CDH18: variants seen among roughly 807,000 people sequenced by gnomAD.
CDH18 encodes the protein cadherin-18.
A neutral mutation model predicts 67.9 loss-of-function variants in CDH18; 31 were observed. The observed-to-expected ratio is 0.46, with a 90% confidence interval of 0.34 to 0.62. The LOEUF is 0.62. Among genes scored for constraint, CDH18 ranks in the 20% least tolerant of loss-of-function variants. CDH18 has a pLI of 0.01. For synonymous variants in CDH18, 362 were observed against 347.2 expected (o/e 1.04, Z -0.48); for missense variants, 890 against 975.5 (o/e 0.91, Z 1.17).
At chr5:19,681,049 T>C (rs759307224) in intron 5 of CDH18, among the ~76,000 whole-genome samples, 18 of 151,978 alleles carry the variant, frequency 1.2e-4, no homozygotes, top group Non-Finnish European at 2.2e-4. Context: ...AAAGAAAATA[T>C]GGTACATATA....
chr5:20,405,803 A>C (rs1207864425), intron 1 of CDH18, among the ~76,000 whole-genome samples: 2 of 152,228 alleles, frequency 1.3e-5, no homozygotes, highest in African/African-American at 4.8e-5. Flanking sequence ...AAAAGAAGAC[A>C]TTTATGCAGC....
At chr5:19,495,331 A>C (rs931767971) in intron 11 of CDH18, among the ~76,000 whole-genome samples, 1 of 152,180 alleles carries the variant, frequency 6.6e-6, no homozygotes, top group African/African-American at 2.4e-5. Context: ...CAATTACTTA[A>C]TGAAACTTTT....
At chr5:19,751,707 CTG>C (rs1770867154) in intron 3 of CDH18, among the ~76,000 whole-genome samples, 1 of 152,140 alleles carries the variant, frequency 6.6e-6, no homozygotes, top group South Asian at 2.1e-4. Context: ...ATATTAGTCT[CTG>C]TGAAAAAGGG....
In CDH18 at chr5:19,721,170, T is replaced by A. The variant is rs527429510; in HGVS notation, c.643+177A>T. 2.6e-5 allele frequency among the ~76,000 whole-genome samples: 4 copies of A among 152,350 alleles called. No individual in the cohort carries two copies. In the East Asian group the frequency reaches 7.7e-4, roughly 29 times the overall value. ...AACATAATAGGGAAAGCATAATATA[T>A]GTACATTAATTTATTTTCAATTATT... On this transcript the variant is annotated intron_variant, in intron 5 of 12. Transcript: ENST00000382275.
At chr5:19,984,088 GACAA>G (rs1364530388) in intron 1 of CDH18, among the ~76,000 whole-genome samples, 1 of 151,966 alleles carries the variant, frequency 6.6e-6, no homozygotes. Flanking sequence ...TCACATGGAA[GACAA>G]ACATCCTACA....
At chr5:20,197,235 C>A (rs146057576) in intron 2 of CDH18, among the ~76,000 whole-genome samples, 1,644 of 152,256 alleles carry the variant, frequency 0.011, 31 homozygotes, top group African/African-American at 0.037. Context: ...TGGTCTCGAA[C>A]TCCTGAGCTC....
chr5:20,121,780 G>A (rs2126418564), intron 2 of CDH18, among the ~76,000 whole-genome samples: 1 of 152,286 alleles, frequency 6.6e-6, no homozygotes, highest in South Asian at 2.1e-4. Context: ...AGTTCATGCT[G>A]AATAGGAAGG....
intron 1 of CDH18, among the ~76,000 whole-genome samples, chr5:20,274,921 G>C (rs1745693518): frequency 6.6e-6 from 1 of 152,060 alleles, no homozygotes; most frequent in Non-Finnish European, 1.5e-5. Context: ...AAATGCAATA[G>C]CATTCCAAAA....
rs565776215 is a variant in CDH18 at position 20,552,753 on chromosome 5, C to T, written c.-580+22709G>A. On this transcript the variant is annotated intron_variant, in intron 1 of 14. Coordinates refer to the CDH18 transcript ENST00000507958. ...AAAGGAGTTTTCACCTTAATAATGT[C>T]TTAAGATTTTTTTTTTTTCAAACAG... Among the ~76,000 whole-genome samples, 74 of 151,606 alleles carry T rather than the reference C, an allele frequency of 4.9e-4. 1 individual carries two copies. The South Asian group carries it at 0.015, about 30-fold the overall frequency.
chr5:19,835,043 A>G (rs955794009), intron 3 of CDH18, among the ~76,000 whole-genome samples: 1 of 152,178 alleles, frequency 6.6e-6, no homozygotes, highest in Non-Finnish European at 1.5e-5. Flanking sequence ...AGGACTATAA[A>G]TCATTCTAGT....
At chr5:19,578,048 G>A (rs775152873) in intron 7 of CDH18, among the ~76,000 whole-genome samples, 2 of 152,136 alleles carry the variant, frequency 1.3e-5, no homozygotes, top group African/African-American at 4.8e-5. Context: ...GAATGGACAG[G>A]TCCTTAGAGT....
chr5:19,749,864 T>C (rs974059888), intron 3 of CDH18, among the ~76,000 whole-genome samples: 69 of 151,792 alleles, frequency 4.5e-4, no homozygotes, highest in African/African-American at 1.6e-3. Context: ...GTTAACAGCA[T>C]AAATGCTTCT....
chr5:19,683,090 G>A (rs1294233613), intron 5 of CDH18, among the ~76,000 whole-genome samples: 2 of 117,914 alleles, frequency 1.7e-5, no homozygotes, highest in Non-Finnish European at 4.0e-5. Flanking sequence ...AATGTTCAAA[G>A]TTCAACATAT....
At chr5:19,682,677 A>G (rs1401376128) in intron 5 of CDH18, among the ~76,000 whole-genome samples, 1 of 151,998 alleles carries the variant, frequency 6.6e-6, no homozygotes, top group Non-Finnish European at 1.5e-5. Context: ...TGGTCTTTTC[A>G]ATTCTCTAAA....
chr5:19,638,829 T>G (rs1160837477), intron 5 of CDH18, among the ~76,000 whole-genome samples: 1 of 151,956 alleles, frequency 6.6e-6, no homozygotes, highest in African/African-American at 2.4e-5. Context: ...CACAGCTCAA[T>G]GCAAAGAGGG....
At position 20,324,932 on chromosome 5, in the gene CDH18, T is replaced by C. The variant is rs575067310; in HGVS notation, c.-579-69427A>G. On this transcript the variant is annotated intron_variant, in intron 1 of 14. Transcript: ENST00000507958. ...TTATTAGTTCCCTTATTAATGAATA[T>C]GTTAAAATTGCCACCTCCTATTTAT... Among the ~76,000 whole-genome samples the C allele has an allele frequency of 5.3e-5, 8 of 152,330 alleles. No homozygotes were observed. The South Asian group carries it at 1.7e-3, about 32-fold the overall frequency.
chr5:19,865,259 C>CATG (rs1785360542), intron 2 of CDH18, among the ~76,000 whole-genome samples: 2 of 152,008 alleles, frequency 1.3e-5, no homozygotes, highest in Non-Finnish European at 2.9e-5. Context: ...AAATACCAAG[C>CATG]ATGAGACCTG....
chr5:20,538,907 TTG>T lies in CDH18; in HGVS notation c.-580+36553_-580+36554del, dbSNP rs1283696795. Among the ~76,000 whole-genome samples, 642 of 132,618 alleles carry T rather than the reference TTG, an allele frequency of 4.8e-3. 71 individuals are homozygous for T. The highest frequency in any genetic ancestry group is 0.017 in the African/African-American group (573 of 32,922). 87.0% of individuals were successfully genotyped at this position (132,618 alleles called of 152,430 possible). A position where few individuals can be genotyped will look rare whatever the true frequency, so the allele number is the denominator to read the frequency against. ...ATCCACATAGCCAACTGTTTTTTTT[TTG>T]TTTTTTTTTTTTTTTGTCGCCCAGG... On this transcript the variant is annotated intron_variant, in intron 1 of 14. Coordinates refer to the CDH18 transcript ENST00000507958.
At chr5:19,671,532 A>C (rs1758749634) in intron 5 of CDH18, among the ~76,000 whole-genome samples, 1 of 152,078 alleles carries the variant, frequency 6.6e-6, no homozygotes, top group South Asian at 2.1e-4. Context: ...TAGAGTTCCA[A>C]ATATGGATAA....
Sources: gnomAD v4.1 joint callset for allele counts (sites outside exome capture counted in the v4.1 genomes callset) on GRCh38, gnomAD v4.1.1 for gene constraint, MANE v1.5 for transcripts, NCBI Gene and HGNC (gene_info 2026-07-23, HGNC 2026-07-21) for gene names.